Variants in PTCH1 observed in about 807,000 individuals in gnomAD.
The protein encoded by PTCH1 is protein patched homolog 1.
Under a neutral mutation model 144.6 loss-of-function variants are expected in PTCH1, and 14 were observed. The observed-to-expected ratio is 0.10, with a 90% CI of 0.06 to 0.15. The LOEUF is 0.15. Ranked by LOEUF, PTCH1 falls within the 10% of genes least tolerant of loss-of-function variation. The pLI, the probability that PTCH1 is intolerant of heterozygous loss-of-function variation, is 1.00. For synonymous variants in PTCH1, 833 were observed against 793.6 expected (o/e 1.05, Z -0.83); for missense variants, 1,623 against 1,948.3 (o/e 0.83, Z 3.14).
intron 16 of PTCH1, chr9:95,460,102 A>G (rs537405167): frequency 3.1e-5 from 13 of 416,224 alleles, no homozygotes; most frequent in Non-Finnish European, 5.4e-5. Flanking sequence ...AAACATATTT[A>G]TAGGAGGGGA....
chr9:95,472,275 G>A lies in PTCH1; in HGVS notation c.1729-2344C>T, dbSNP rs533451302. 4.0e-4 allele frequency among the ~76,000 whole-genome samples: 61 copies of A among 152,326 alleles called. 1 individual carries two copies. The South Asian group carries it at 0.011, about 28-fold the overall frequency. ...GACAGTATTACCTGATAAAGTCCCC[G>A]AAGTGCGGTCAAGTCACCTGCCTGA... On this transcript the variant is annotated intron_variant, in intron 12 of 23. Coordinates refer to ENST00000331920, the MANE Select transcript of PTCH1 (RefSeq NM_000264.5).
At chr9:95,499,683 AGTT>A in intron 2 of PTCH1, among the ~76,000 whole-genome samples, 1 of 152,238 alleles carries the variant, frequency 6.6e-6, no homozygotes, top group South Asian at 2.1e-4. Flanking sequence ...GAGTGCCAGA[AGTT>A]AAAATACTAC....
chr9:95,482,382 T>C (rs1841614542), intron 3 of PTCH1, 179 bp from the exon 4 acceptor site: 1 of 624,534 alleles, frequency 1.6e-6, no homozygotes, highest in Non-Finnish European at 2.8e-6. Context: ...GAATAGATAA[T>C]ACTCAATCGT....
At chr9:95,488,332 A>G (rs1248598466) in intron 2 of PTCH1, among the ~76,000 whole-genome samples, 1 of 152,168 alleles carries the variant, frequency 6.6e-6, no homozygotes, top group East Asian at 1.9e-4. Flanking sequence ...TATTTTGCCA[A>G]TGTGATGTTT....
At position 95,508,664 on chromosome 9, in the gene PTCH1, G is replaced by T; in HGVS notation, c.-303C>A. 1 of 987,680 alleles carries T rather than the reference G, an allele frequency of 1.0e-6. No individual in the cohort carries two copies. The highest frequency in any genetic ancestry group is 1.2e-6 in the Non-Finnish European group (1 of 831,710). The allele number at this position is 987,680 out of a possible 1,614,324, so 61.2% of individuals were successfully genotyped here. On this transcript the variant is annotated 5_prime_UTR_variant, in exon 1 of 24. Coordinates refer to ENST00000331920, the MANE Select transcript of PTCH1 (RefSeq NM_000264.5). ...CCGCCGCTGCCCACATCCAGTTCGC[G>T]GAAGAGCGAGAGCCGGCGCGCCGAG...
At chr9:95,513,851 G>C (rs1844254211), upstream of PTCH1, among the ~76,000 whole-genome samples, 1 of 152,056 alleles carries the variant, frequency 6.6e-6, no homozygotes, top group South Asian at 2.1e-4. Flanking sequence ...AAAGGGAACA[G>C]CTCTAGCCAA....
At position 95,482,386 on chromosome 9, in the gene PTCH1, C is replaced by T. The variant is rs1841615418; in HGVS notation, c.585-183G>A. The T allele has an allele frequency of 4.8e-6, 3 of 622,136 alleles. No individual in the cohort carries two copies. The South Asian group carries it at 5.9e-5, about 12-fold the overall frequency. 38.5% of individuals were successfully genotyped at this position (622,136 alleles called of 1,614,324 possible). A position where few individuals can be genotyped will look rare whatever the true frequency, so the allele number is the denominator to read the frequency against. On this transcript the variant is annotated intron_variant, in intron 3 of 23. Coordinates refer to ENST00000331920, the MANE Select transcript of PTCH1 (RefSeq NM_000264.5). The stretch of plus-strand genomic sequence containing the variant: ...CTTGCTTTAATGAATAGATAATACT[C>T]AATCGTAATTAACATGTAGGGTGTT...
intron 2 of PTCH1, among the ~76,000 whole-genome samples, chr9:95,505,184 A>C (rs1442287033): frequency 6.6e-6 from 1 of 152,212 alleles, no homozygotes; most frequent in Non-Finnish European, 1.5e-5. Context: ...ACAAGGAGAG[A>C]TTAAGGAAAT....
At chr9:95,515,710 G>A (rs575949061) in intron 1 of PTCH1, among the ~76,000 whole-genome samples, 1 of 152,278 alleles carries the variant, frequency 6.6e-6, no homozygotes, top group Admixed American at 6.5e-5. Flanking sequence ...CTCTGTAAGG[G>A]TGGCAGCCAC....
intron 2 of PTCH1, among the ~76,000 whole-genome samples, chr9:95,499,058 G>A (rs1842970663): frequency 6.6e-6 from 1 of 152,188 alleles, no homozygotes; most frequent in Non-Finnish European, 1.5e-5. Context: ...CACTGTCTCA[G>A]AAATGCTAGG....
At chr9:95,487,217 C>T (rs898817080) in intron 2 of PTCH1, among the ~76,000 whole-genome samples, 1 of 152,152 alleles carries the variant, frequency 6.6e-6, no homozygotes, top group Non-Finnish European at 1.5e-5. Flanking sequence ...CAGGTCCACG[C>T]GGATGCCAAG....
intron 2 of PTCH1, among the ~76,000 whole-genome samples, chr9:95,488,190 T>C (rs1447032450): frequency 6.6e-6 from 1 of 152,236 alleles, no homozygotes; most frequent in African/African-American, 2.4e-5. Context: ...AGGGTCTCCA[T>C]CATGTCCCCT....
intron 13 of PTCH1, 22 bp downstream of exon 13, chr9:95,469,791 C>A: frequency 6.3e-7 from 1 of 1,587,464 alleles, no homozygotes; most frequent in South Asian, 1.1e-5. Flanking sequence ...AATCAAAAGG[C>A]CACAGCAGTC....
chr9:95,481,716 T>C (rs1463583521), intron 5 of PTCH1: 7 of 571,796 alleles, frequency 1.2e-5, no homozygotes, highest in East Asian at 2.9e-5. Flanking sequence ...TATAAATAGG[T>C]TGGTAAAAGT....
At chr9:95,505,695 C>T (rs1479077311) in intron 2 of PTCH1, among the ~76,000 whole-genome samples, 1 of 151,986 alleles carries the variant, frequency 6.6e-6, no homozygotes, top group Non-Finnish European at 1.5e-5. Context: ...AGCCCCCACC[C>T]GCGAGGAAAC....
intron 1 of PTCH1, among the ~76,000 whole-genome samples, chr9:95,516,163 G>A (rs1844353599): frequency 6.6e-6 from 1 of 151,182 alleles, no homozygotes; most frequent in African/African-American, 2.4e-5. Context: ...TCCCCCCGGA[G>A]CCGTTCCTCA....
At chr9:95,481,020 A>G (rs1422982986) in intron 5 of PTCH1, among the ~76,000 whole-genome samples, 1 of 152,186 alleles carries the variant, frequency 6.6e-6, no homozygotes, top group Non-Finnish European at 1.5e-5. Flanking sequence ...TACCTTTAAC[A>G]ATCCCATACT....
intron 16 of PTCH1, among the ~76,000 whole-genome samples, chr9:95,461,009 T>C (rs913602652): frequency 6.6e-6 from 1 of 152,090 alleles, no homozygotes; most frequent in African/African-American, 2.4e-5. Context: ...ACAATAAACA[T>C]AGCTGCTGAG....
At position 95,506,512 on chromosome 9, in the gene PTCH1, T is replaced by G. The variant is rs768274370; in HGVS notation, c.289A>C (p.Asn97His). The change falls in exon 2 of 24, where the codon AAC becomes CAC. Residue 97 changes from asparagine (N) to histidine (H), a missense_variant. Transcript: ENST00000331920. Reference protein sequence around the residue: ...LFKLGCYIQKNCGKFLVVGLL... With the variant: ...LFKLGCYIQKHCGKFLVVGLL... ...CCCACAACCAAGAACTTGCCGCAGT[T>G]TTTTTGAATGTAACAACCCAGTTTA... The G allele has an allele frequency of 6.2e-7, 1 of 1,613,770 alleles. No individual in the cohort carries two copies. The highest frequency in any genetic ancestry group is 1.1e-5 in the South Asian group (1 of 91,010).
Sources: allele counts gnomAD v4.1 joint callset (sites outside exome capture counted in the v4.1 genomes callset), GRCh38; gene constraint gnomAD v4.1.1; transcripts MANE v1.5; gene names NCBI Gene and HGNC (gene_info 2026-07-23, HGNC 2026-07-21).